The following TET1 variants were observed in gnomAD, a reference collection of about 807,000 sequenced individuals.
The protein encoded by TET1 is tet methylcytosine dioxygenase 1.
A neutral mutation model predicts 148.7 loss-of-function variants in TET1; 13 were observed. The observed-to-expected ratio is 0.09, with a 90% CI of 0.06 to 0.14. The LOEUF is 0.14. TET1 is among the 10% of genes least tolerant of loss of function. The probability of loss-of-function intolerance (pLI) is 1.00; values close to 1 mark genes in which losing one functional copy is unlikely to be tolerated. For synonymous variants in TET1, 907 were observed against 937.2 expected (o/e 0.97, Z 0.59); for missense variants, 2,182 against 2,553.8 (o/e 0.85, Z 3.14).
chr10:68,625,284 C>T (rs2054461457), intron 3 of TET1, among the ~76,000 whole-genome samples: 1 of 152,174 alleles, frequency 6.6e-6, no homozygotes, highest in Non-Finnish European at 1.5e-5. Context: ...CTGTCTCAAG[C>T]CGATTTGTTT....
chr10:68,674,771 A>C (rs1052839112), intron 8 of TET1: 1 of 499,932 alleles, frequency 2.0e-6, no homozygotes, highest in Non-Finnish European at 3.9e-6. Flanking sequence ...GATACGGAAG[A>C]CCTCTTATGC....
intron 3 of TET1, among the ~76,000 whole-genome samples, chr10:68,614,874 G>C (rs192422557): frequency 6.6e-6 from 1 of 151,838 alleles, no homozygotes; most frequent in African/African-American, 2.4e-5. Flanking sequence ...GCTTACAGGC[G>C]TGAGCCATCA....
chr10:68,636,985 G>GTGTGTC (rs2054661410), intron 3 of TET1, among the ~76,000 whole-genome samples: 1 of 40,634 alleles, frequency 2.5e-5, no homozygotes, highest in African/African-American at 5.6e-5. Flanking sequence ...TACTCGTTGT[G>GTGTGTC]TGTGTGTGTG....
chr10:68,651,315 G>C (rs553489856), intron 4 of TET1, among the ~76,000 whole-genome samples: 2 of 152,058 alleles, frequency 1.3e-5, no homozygotes, highest in African/African-American at 4.8e-5. Context: ...TTAGCCGGGC[G>C]TGGTGGCGGG....
At position 68,597,741 on chromosome 10, in the gene TET1, A is replaced by G. The variant is rs919468227; in HGVS notation, c.1915-3240A>G. On this transcript the variant is annotated intron_variant, in intron 2 of 11. Coordinates refer to ENST00000373644, the MANE Select transcript of TET1 (RefSeq NM_030625.3). ...GAAAAACAAAATGTGTTATGTACAT[A>G]CAAAGGAATATTGTTCAGCCTTCAA... 9.8e-4 allele frequency among the ~76,000 whole-genome samples: 150 copies of G among 152,390 alleles called. 1 individual carries two copies. Among genetic ancestry groups the G allele is most frequent in the African/African-American group, 3.5e-3 (147 of 41,600 alleles).
chr10:68,689,188 G>A (rs1370015484), intron 11 of TET1, among the ~76,000 whole-genome samples: 1 of 152,078 alleles, frequency 6.6e-6, no homozygotes, highest in Non-Finnish European at 1.5e-5. Flanking sequence ...GTTTCCTGAT[G>A]TACCATTTCT....
intron 2 of TET1, among the ~76,000 whole-genome samples, chr10:68,583,423 G>T (rs1360017312): frequency 6.6e-6 from 1 of 150,728 alleles, no homozygotes; most frequent in Non-Finnish European, 1.5e-5. Flanking sequence ...ACAATTCAGG[G>T]CATTACCTTG....
At position 68,572,690 on chromosome 10, in the gene TET1, C is replaced by A. The variant is rs768767331; in HGVS notation, c.352C>A (p.Pro118Thr). ...CTCTCTTAGCAGGCGACTCTCCCAA[C>A]CCCCACTGGTCGTAGCCAAATCCAA... is the stretch of plus-strand genomic sequence containing the variant. ...STSLSRRLSQPPLVVAKSKKV... is the reference protein window; with the variant it reads ...STSLSRRLSQTPLVVAKSKKV... The change falls in exon 2 of 12, where the codon CCC becomes ACC. Residue 118 changes from proline (P) to threonine (T), a missense_variant. Around this residue, in one of 11 missense-constraint regions of TET1, gnomAD observed 665 missense variants for 672.4 expected, o/e 0.99. Transcript: ENST00000373644. The A allele has an allele frequency of 5.0e-6, 8 of 1,614,130 alleles. No homozygotes were observed. In the South Asian group the frequency reaches 7.7e-5, roughly 16 times the overall value.
chr10:68,691,962 G>A lies in TET1; in HGVS notation c.*148G>A. On this transcript the variant is annotated 3_prime_UTR_variant, in exon 12 of 12. Coordinates refer to ENST00000373644, the MANE Select transcript of TET1 (RefSeq NM_030625.3). The surrounding 1 kb of genome is among the most constrained non-coding windows in gnomAD (Gnocchi z 4.4). Reference sequence around the variant, plus strand: ...AATAATAATGATAACAAAACGGGGTGGGTATTCTTAACTGTGACTATATTT... The same window carrying A: ...AATAATAATGATAACAAAACGGGGTAGGTATTCTTAACTGTGACTATATTT... 6 of 965,738 alleles carry A rather than the reference G, an allele frequency of 6.2e-6. No homozygotes were observed. In the South Asian group the frequency reaches 1.2e-4, roughly 19 times the overall value. The allele number at this position is 965,738 out of a possible 1,614,324, so 59.8% of individuals were successfully genotyped here.
chr10:68,690,680 A>G, intron 11 of TET1, 128 bp from the exon 12 acceptor site: 1 of 882,616 alleles, frequency 1.1e-6, no homozygotes, highest in South Asian at 2.4e-5. Context: ...AACAGAACAA[A>G]ACCAACCAAC....
At chr10:68,682,778 TG>T in intron 9 of TET1, 57 bp from the exon 10 acceptor site, 1 of 1,542,044 alleles carries the variant, frequency 6.5e-7, no homozygotes, top group South Asian at 1.2e-5. Context: ...TACTCTTTAC[TG>T]AAGGTAGGTG....
Position 68,692,773 on chromosome 10 carries a change from A to G in TET1, c.*959A>G, listed in dbSNP as rs899738298. 10 of 230,920 alleles carry G rather than the reference A, an allele frequency of 4.3e-5. No homozygotes were observed. The highest frequency in any genetic ancestry group is 2.2e-4 in the African/African-American group (10 of 45,220). 14.3% of individuals were successfully genotyped at this position (230,920 alleles called of 1,614,324 possible). A position where few individuals can be genotyped will look rare whatever the true frequency, so the allele number is the denominator to read the frequency against. ...GGTCTCTTCTTATTGAACAACCTCA[A>G]TTTAGTTTCATCCCACCTTTCTCAG... On this transcript the variant is annotated 3_prime_UTR_variant, in exon 12 of 12. Transcript: ENST00000373644.
chr10:68,614,566 T>C (rs1355071874), intron 3 of TET1, among the ~76,000 whole-genome samples: 1 of 152,144 alleles, frequency 6.6e-6, no homozygotes, highest in Admixed American at 6.6e-5. Flanking sequence ...GGGTGGAGTG[T>C]GGTGGCACGA....
intron 2 of TET1, among the ~76,000 whole-genome samples, chr10:68,575,409 A>G (rs1475676632): frequency 4.0e-5 from 6 of 151,892 alleles, no homozygotes; most frequent in Non-Finnish European, 1.5e-5. Flanking sequence ...AAATAAATAA[A>G]TAAATAAATA....
chr10:68,663,782 G>T (rs1259222010), intron 6 of TET1, among the ~76,000 whole-genome samples: 4 of 152,148 alleles, frequency 2.6e-5, no homozygotes, highest in African/African-American at 9.7e-5. Context: ...TGGAAGGAGG[G>T]TAATTAAAAA....
intron 2 of TET1, among the ~76,000 whole-genome samples, chr10:68,593,275 T>C (rs2053940289): frequency 6.7e-6 from 1 of 149,026 alleles, no homozygotes. Context: ...CAACATACAT[T>C]ACATTGTTTT....
chr10:68,607,847 T>C (rs991698594), intron 3 of TET1, among the ~76,000 whole-genome samples: 1 of 149,028 alleles, frequency 6.7e-6, no homozygotes, highest in Non-Finnish European at 1.5e-5. Context: ...TAAATATAAA[T>C]ATATATTTCA....
chr10:68,651,818 G>A, intron 4 of TET1, 28 bp from the exon 5 acceptor site: 1 of 1,559,572 alleles, frequency 6.4e-7, no homozygotes, highest in Middle Eastern at 1.7e-4. Context: ...GTAAAGCTTT[G>A]GGTCTAATAA....
At chr10:68,647,676 T>A (rs2054871649) in intron 4 of TET1, among the ~76,000 whole-genome samples, 1 of 152,158 alleles carries the variant, frequency 6.6e-6, no homozygotes, top group Non-Finnish European at 1.5e-5. Flanking sequence ...TTCAAAAAAA[T>A]TTCAACTTAC....
Sources: allele counts gnomAD v4.1 joint callset (sites outside exome capture counted in the v4.1 genomes callset), GRCh38; gene constraint gnomAD v4.1.1; regional missense constraint gnomAD v4.1.1; non-coding constraint Gnocchi (gnomAD v3.1); transcripts MANE v1.5; gene names NCBI Gene and HGNC (gene_info 2026-07-23, HGNC 2026-07-21).